Variants in AMPH observed in about 807,000 individuals in gnomAD.
AMPH encodes amphiphysin (Stiff-Mann syndrome with breast cancer 128kD autoantigen).
A neutral mutation model predicts 99.1 loss-of-function variants in AMPH; 49 were observed. The ratio of observed to expected loss-of-function variants is 0.49; its 90% CI spans 0.39 to 0.63. AMPH has a LOEUF of 0.63. Among genes scored for constraint, AMPH ranks in the 20% least tolerant of loss-of-function variants. AMPH has a pLI of 0.00. For missense variants in AMPH, 759 were observed against 863.4 expected (o/e 0.88, Z 1.52); for synonymous variants, 314 against 317.3 (o/e 0.99, Z 0.11).
intron 1 of AMPH, among the ~76,000 whole-genome samples, chr7:38,591,012 ATAGCCTTAAAAGT>A (rs1792836087): frequency 6.6e-6 from 1 of 152,248 alleles, no homozygotes; most frequent in South Asian, 2.1e-4. Context: ...TATTTGCAGT[ATAGCCTTAAAAGT>A]TCATTTATAA....
chr7:38,432,304 T>A (rs1786062018), intron 12 of AMPH, 92 bp from the exon 13 acceptor site: 2 of 1,201,924 alleles, frequency 1.7e-6, no homozygotes, highest in Admixed American at 1.8e-5. Context: ...ATCATAAGCA[T>A]TTTTTAAGCA....
chr7:38,394,743 A>G (rs76800960), intron 17 of AMPH, among the ~76,000 whole-genome samples: 8,835 of 152,314 alleles, frequency 0.058, 356 homozygotes, highest in East Asian at 0.19. Context: ...ACTACAGAGC[A>G]TGAGATGAAG....
chr7:38,487,179 G>T lies in AMPH; in HGVS notation c.396+3871C>A, dbSNP rs540086141. On this transcript the variant is annotated intron_variant, in intron 5 of 20. Coordinates refer to ENST00000356264, the MANE Select transcript of AMPH (RefSeq NM_001635.4). ...ACCCGAAAGGCTCTACAAAAAAACT[G>T]CCAGAACTACTAAACAAATAAGAAT... Among the ~76,000 whole-genome samples the T allele has an allele frequency of 1.4e-3, 207 of 152,174 alleles. 1 individual carries two copies. The highest frequency in any genetic ancestry group is 2.7e-3 in the Non-Finnish European group (186 of 67,958).
At chr7:38,620,859 T>A (rs1584315305) in intron 1 of AMPH, among the ~76,000 whole-genome samples, 1 of 152,146 alleles carries the variant, frequency 6.6e-6, no homozygotes, top group East Asian at 1.9e-4. Context: ...GTCCTGGCTC[T>A]GTGTCAAGGG....
chr7:38,450,834 G>A (rs540338856), intron 11 of AMPH, among the ~76,000 whole-genome samples: 2 of 151,972 alleles, frequency 1.3e-5, no homozygotes, highest in Admixed American at 6.5e-5. Context: ...AAGGGAGGGT[G>A]AACATTGGAT....
chr7:38,544,227 T>C (rs1035704973), intron 1 of AMPH, among the ~76,000 whole-genome samples: 1 of 152,234 alleles, frequency 6.6e-6, no homozygotes, highest in African/African-American at 2.4e-5. Flanking sequence ...AAATAGGTTA[T>C]TGTATTAATT....
intron 2 of AMPH, 79 bp from the exon 3 acceptor site, chr7:38,503,783 G>T: frequency 7.1e-7 from 1 of 1,412,452 alleles, no homozygotes; most frequent in Non-Finnish European, 1.0e-6. Context: ...AAGTCTCAAA[G>T]TTACTATTGC....
At chr7:38,450,447 A>G (rs1786966039) in intron 11 of AMPH, among the ~76,000 whole-genome samples, 1 of 152,158 alleles carries the variant, frequency 6.6e-6, no homozygotes, top group African/African-American at 2.4e-5. Flanking sequence ...TTCCTCTGGC[A>G]GAAGGGACCA....
At chr7:38,538,550 G>A (rs1790695567) in intron 1 of AMPH, among the ~76,000 whole-genome samples, 1 of 152,160 alleles carries the variant, frequency 6.6e-6, no homozygotes, top group South Asian at 2.1e-4. Context: ...CCAATGAAGT[G>A]TTTCTCTGGA....
chr7:38,464,052 A>G, intron 9 of AMPH: 1 of 1,289,482 alleles, frequency 7.8e-7, no homozygotes, highest in South Asian at 1.2e-5. Flanking sequence ...CATAGCCCCA[A>G]TCTAAGCTTA....
chr7:38,455,690 T>G (rs574444584), intron 11 of AMPH, among the ~76,000 whole-genome samples: 1 of 152,198 alleles, frequency 6.6e-6, no homozygotes, highest in African/African-American at 2.4e-5. Context: ...TCAACTGATA[T>G]GGGCTTCAAG....
chr7:38,390,989 GA>G (rs1562721025), intron 19 of AMPH, among the ~76,000 whole-genome samples: 10 of 60,496 alleles, frequency 1.7e-4, no homozygotes, highest in Non-Finnish European at 3.5e-4. Context: ...GAGAGAGAGA[GA>G]GAGAGAGAGA....
chr7:38,417,989 C>T, intron 16 of AMPH, 39 bp from the exon 17 acceptor site: 1 of 1,602,436 alleles, frequency 6.2e-7, no homozygotes, highest in Non-Finnish European at 8.5e-7. Context: ...GAAAAAGATT[C>T]AACAGGTAAA....
At position 38,394,215 on chromosome 7, in the gene AMPH, C is replaced by T. The variant is rs745886763; in HGVS notation, c.1399-1G>A. ...CATCAGCATCAGCTCCAGGTATGAT[C>T]TGCAGGGCAGAAACCAGCAGGCCAC... On this transcript the variant is annotated splice_acceptor_variant, in intron 17 of 20. Transcript: ENST00000356264. LOFTEE classifies it high-confidence loss of function. 9 of 1,613,956 alleles carry T rather than the reference C, an allele frequency of 5.6e-6. No individual in the cohort carries two copies. The Admixed American group carries it at 1.5e-4, about 27-fold the overall frequency.
intron 14 of AMPH, chr7:38,429,300 G>A (rs557825188): frequency 9.6e-4 from 1,236 of 1,287,072 alleles, no homozygotes; most frequent in Non-Finnish European, 1.2e-3. Flanking sequence ...GGCTGGCCCC[G>A]GGGCATGCTC....
intron 1 of AMPH, among the ~76,000 whole-genome samples, chr7:38,571,298 T>TTTATATATATATTTATATATA (rs144518063): frequency 7.7e-5 from 6 of 78,018 alleles, no homozygotes; most frequent in Non-Finnish European, 1.1e-4. Flanking sequence ...TATTTATATA[T>TTTATATATATATTTATATATA]GAATATATAT....
intron 5 of AMPH, among the ~76,000 whole-genome samples, chr7:38,478,538 A>G (rs1416948685): frequency 6.6e-6 from 1 of 152,188 alleles, no homozygotes; most frequent in Non-Finnish European, 1.5e-5. Flanking sequence ...CCTATACATG[A>G]TGTCTGGCAT....
At position 38,503,501 on chromosome 7, in the gene AMPH, GGT is replaced by G. The variant is rs1491449559; in HGVS notation, c.205+147_205+148del. On this transcript the variant is annotated intron_variant, in intron 3 of 20. Transcript: ENST00000356264. ...TTTCAATGGGAATTTGGGGCGGGGG[GGT>G]GGGTGGTGGAATGGAACACCTGTGT... 1,431 of 537,796 alleles carry G rather than the reference GGT, an allele frequency of 2.7e-3. 8 individuals are homozygous for G. The highest frequency in any genetic ancestry group is 0.014 in the East Asian group (420 of 28,982). 33.3% of individuals were successfully genotyped at this position (537,796 alleles called of 1,614,324 possible). A position where few individuals can be genotyped will look rare whatever the true frequency, so the allele number is the denominator to read the frequency against.
intron 1 of AMPH, among the ~76,000 whole-genome samples, chr7:38,619,204 A>G (rs184528512): frequency 2.6e-5 from 4 of 152,342 alleles, no homozygotes; most frequent in African/African-American, 7.2e-5. Context: ...ATAAAAAAAA[A>G]GATACATCAT....
Sources: gnomAD v4.1 joint callset for allele counts (sites outside exome capture counted in the v4.1 genomes callset) on GRCh38, gnomAD v4.1.1 for gene constraint, MANE v1.5 for transcripts, NCBI Gene and HGNC (gene_info 2026-07-23, HGNC 2026-07-21) for gene names.